Variants in FBXL7 observed in about 807,000 individuals in gnomAD.
FBXL7 encodes F-box and leucine rich repeat protein 7.
FBXL7 carries 12 observed loss-of-function variants against 38.3 expected under a neutral mutation model. The observed-to-expected ratio is 0.31, with a 90% CI of 0.20 to 0.51. The LOEUF is 0.51. FBXL7 is among the 20% of genes least tolerant of loss of function. The probability of loss-of-function intolerance (pLI) is 0.98; values close to 1 mark genes in which losing one functional copy is unlikely to be tolerated. For synonymous variants in FBXL7, 297 were observed against 300.9 expected, an observed-to-expected ratio of 0.99 and a Z score of 0.13; for missense variants, 567 against 676.4, an observed-to-expected ratio of 0.84 and a Z score of 1.79.
In FBXL7 at chr5:15,616,084, G is replaced by A; in HGVS notation, c.127+12G>A. 2 of 1,589,210 alleles carry A rather than the reference G, an allele frequency of 1.3e-6. No individual in the cohort carries two copies. Among genetic ancestry groups the A allele is most frequent in the Non-Finnish European group, 1.7e-6 (2 of 1,159,230 alleles). ...GGCTACCAGCGAAGGTAGGCAGCTG[G>A]TCTTCATTATCTCTCTTTCTTCTTC... On this transcript the variant is annotated intron_variant, in intron 2 of 3. Coordinates refer to ENST00000504595, the MANE Select transcript of FBXL7 (RefSeq NM_012304.5).
intron 1 of FBXL7, among the ~76,000 whole-genome samples, chr5:15,523,422 G>C (rs886314510): frequency 5.3e-5 from 8 of 152,106 alleles, no homozygotes; most frequent in Non-Finnish European, 1.2e-4. Flanking sequence ...AGCTGGGTGT[G>C]GTGGCAGACG....
chr5:15,669,522 T>G (rs536929559), intron 2 of FBXL7, among the ~76,000 whole-genome samples: 2 of 152,320 alleles, frequency 1.3e-5, no homozygotes, highest in East Asian at 3.9e-4. Context: ...TGACTCTTCA[T>G]TGGCTTTGCC....
chr5:15,666,558 T>G (rs1580445455), intron 2 of FBXL7, among the ~76,000 whole-genome samples: 1 of 152,306 alleles, frequency 6.6e-6, no homozygotes, highest in East Asian at 1.9e-4. Context: ...GGAGTGTACT[T>G]GCTCGTTTTT....
At chr5:15,563,685 T>C (rs1738481569) in intron 1 of FBXL7, among the ~76,000 whole-genome samples, 1 of 152,064 alleles carries the variant, frequency 6.6e-6, no homozygotes, top group Admixed American at 6.6e-5. Flanking sequence ...AGTCTCCACT[T>C]GAACTTGCCC....
intron 2 of FBXL7, among the ~76,000 whole-genome samples, chr5:15,791,075 G>C (rs372931875): frequency 2.0e-5 from 3 of 148,836 alleles, no homozygotes; most frequent in South Asian, 2.2e-4. Flanking sequence ...TGTAAAAGGG[G>C]GGGGGGGGTT....
chr5:15,615,958 A>G, intron 1 of FBXL7, 25 bp from the exon 2 acceptor site: 2 of 1,569,198 alleles, frequency 1.3e-6, no homozygotes, highest in Non-Finnish European at 1.8e-6. Context: ...AAATCTCAAA[A>G]GCTGCTCATT....
At chr5:15,684,479 A>G (rs368956988) in intron 2 of FBXL7, among the ~76,000 whole-genome samples, 25 of 152,344 alleles carry the variant, frequency 1.6e-4, no homozygotes, top group African/African-American at 5.8e-4. Context: ...GTTAGGCAGA[A>G]TAATGGCCCC....
intron 2 of FBXL7, among the ~76,000 whole-genome samples, chr5:15,849,317 T>C: frequency 6.6e-6 from 1 of 152,190 alleles, no homozygotes; most frequent in Non-Finnish European, 1.5e-5. Flanking sequence ...TAATAGTCAT[T>C]TGGTGAATGG....
intron 1 of FBXL7, among the ~76,000 whole-genome samples, chr5:15,565,158 C>T (rs1446321682): frequency 6.6e-6 from 1 of 152,008 alleles, no homozygotes; most frequent in Non-Finnish European, 1.5e-5. Flanking sequence ...CTTGCTGATA[C>T]AATTTTTCCA....
At chr5:15,631,098 T>C (rs1465124741) in intron 2 of FBXL7, among the ~76,000 whole-genome samples, 1 of 152,176 alleles carries the variant, frequency 6.6e-6, no homozygotes, top group African/African-American at 2.4e-5. Flanking sequence ...AAGTCTTCCT[T>C]AAATGAATTC....
chr5:15,528,091 A>G lies in FBXL7; in HGVS notation c.37+27378A>G, dbSNP rs373335777. On this transcript the variant is annotated intron_variant, in intron 1 of 3. Transcript: ENST00000504595. ...TCTACTTGGTTCCTTCTTCGAGTAA[A>G]TGTTTCCCTTTCCTCTTCTTTGTTC... Among the ~76,000 whole-genome samples, 7 of 152,220 alleles carry G rather than the reference A, an allele frequency of 4.6e-5. No homozygotes were observed. In the South Asian group the frequency reaches 1.0e-3, roughly 23 times the overall value.
intron 2 of FBXL7, among the ~76,000 whole-genome samples, chr5:15,888,289 G>T (rs1166395413): frequency 6.6e-6 from 1 of 151,572 alleles, no homozygotes; most frequent in African/African-American, 2.4e-5. Context: ...GTGCAGTGGC[G>T]CAATCTCGGC....
rs554366014 is a variant in FBXL7, at chr5:15,733,974, G to A, written c.127+117902G>A. 1.4e-4 allele frequency among the ~76,000 whole-genome samples: 22 copies of A among 152,250 alleles called. No homozygotes were observed. In the South Asian group the frequency reaches 4.1e-3, roughly 29 times the overall value. On this transcript the variant is annotated intron_variant, in intron 2 of 3. Coordinates refer to ENST00000504595, the MANE Select transcript of FBXL7 (RefSeq NM_012304.5). ...ATACAAAAATTACCTGGGCTTGGTGGCATGTGCCTGTAATCGCAGCTACTC... is the reference window on the plus strand; with the variant it reads ...ATACAAAAATTACCTGGGCTTGGTGACATGTGCCTGTAATCGCAGCTACTC...
chr5:15,573,517 T>C (rs1561033628), intron 1 of FBXL7, among the ~76,000 whole-genome samples: 1 of 152,204 alleles, frequency 6.6e-6, no homozygotes. Context: ...TTTTTAATGA[T>C]GGTGATGTTG....
intron 2 of FBXL7, among the ~76,000 whole-genome samples, chr5:15,912,392 G>T (rs1217843384): frequency 1.4e-5 from 2 of 140,474 alleles, no homozygotes; most frequent in Non-Finnish European, 3.0e-5. Flanking sequence ...CTCGCGCACG[G>T]TGCGCACACA....
intron 1 of FBXL7, among the ~76,000 whole-genome samples, chr5:15,547,479 C>G (rs1257616736): frequency 6.6e-6 from 1 of 152,180 alleles, no homozygotes; most frequent in Non-Finnish European, 1.5e-5. Context: ...TCTGGTGAGA[C>G]AGGACACCCC....
chr5:15,777,309 A>G (rs906651428), intron 2 of FBXL7, among the ~76,000 whole-genome samples: 1 of 152,082 alleles, frequency 6.6e-6, no homozygotes, highest in African/African-American at 2.4e-5. Context: ...ACACCTGGAT[A>G]TCAAGCTTTA....
chr5:15,518,135 C>G (rs1366003101), intron 1 of FBXL7, among the ~76,000 whole-genome samples: 1 of 152,066 alleles, frequency 6.6e-6, no homozygotes, highest in Admixed American at 6.5e-5. Context: ...GGATTACAGG[C>G]CCACACCACC....
At chr5:15,774,383 A>G (rs1298481731) in intron 2 of FBXL7, among the ~76,000 whole-genome samples, 2 of 152,174 alleles carry the variant, frequency 1.3e-5, no homozygotes, top group Non-Finnish European at 2.9e-5. Context: ...AAGTTTCAGG[A>G]ATTCAGACAT....
Sources: allele counts gnomAD v4.1 joint callset (sites outside exome capture counted in the v4.1 genomes callset), GRCh38; gene constraint gnomAD v4.1.1; transcripts MANE v1.5; gene names NCBI Gene and HGNC (gene_info 2026-07-23, HGNC 2026-07-21).